FCHO2: variants seen among roughly 807,000 people sequenced by gnomAD.
FCHO2 encodes the protein F-BAR domain only protein 2.
In FCHO2, 43 loss-of-function variants were observed where a neutral mutation model predicts 114.1. That is an observed-to-expected ratio of 0.38 (90% CI 0.30 to 0.49). FCHO2 has a LOEUF of 0.49. Among genes scored for constraint, FCHO2 ranks in the 20% least tolerant of loss-of-function variants. The pLI, the probability that FCHO2 is intolerant of heterozygous loss-of-function variation, is 0.97. For missense variants in FCHO2, 807 were observed against 950.4 expected, an observed-to-expected ratio of 0.85 and a Z score of 1.98; for synonymous variants, 293 against 315.2, an observed-to-expected ratio of 0.93 and a Z score of 0.75.
intron 24 of FCHO2, among the ~76,000 whole-genome samples, chr5:73,083,860 T>A (rs1457910834): frequency 7.8e-6 from 1 of 128,056 alleles, no homozygotes; most frequent in Non-Finnish European, 1.6e-5. Flanking sequence ...GCCCCTGCTC[T>A]CCAGCCTGGG....
At chr5:72,997,142 G>T (rs1561433858) in intron 5 of FCHO2, 1 of 1,123,072 alleles carries the variant, frequency 8.9e-7, no homozygotes, top group East Asian at 2.3e-5. Context: ...CTCCCACCAT[G>T]ATGGGGTCCT....
intron 2 of FCHO2, among the ~76,000 whole-genome samples, chr5:72,974,187 G>C (rs1449513236): frequency 6.8e-6 from 1 of 146,762 alleles, no homozygotes. Context: ...CTGTTGATTT[G>C]GGGTGGAGAG....
intron 18 of FCHO2, among the ~76,000 whole-genome samples, 160 bp from the exon 19 acceptor site, chr5:73,068,490 C>T (rs1252022825): frequency 1.3e-5 from 2 of 151,982 alleles, no homozygotes; most frequent in Non-Finnish European, 2.9e-5. Context: ...TTAGTATGTT[C>T]TTAAAAATGA....
At chr5:73,064,958 C>T (rs555192541) in intron 18 of FCHO2, among the ~76,000 whole-genome samples, 3 of 152,034 alleles carry the variant, frequency 2.0e-5, no homozygotes, top group South Asian at 2.1e-4. Flanking sequence ...CATATATCAC[C>T]TTGTATGTAC....
chr5:73,007,956 G>A (rs375605272), intron 6 of FCHO2, among the ~76,000 whole-genome samples: 17 of 152,210 alleles, frequency 1.1e-4, no homozygotes, highest in Middle Eastern at 3.4e-3. Flanking sequence ...GGGCAAGAGC[G>A]TTACAGGCTT....
Position 73,017,201 on chromosome 5 carries a change from C to A in FCHO2, c.700-11C>A. ...GAAAAAGAAAAAGTTATCTTTATTT[C>A]ATTTTAATAGGTCCATGAAGAATTT... On this transcript the variant is annotated splice_polypyrimidine_tract_variant and intron_variant, in intron 7 of 25. Transcript: ENST00000430046. The A allele has an allele frequency of 1.4e-6, 2 of 1,408,776 alleles. No individual in the cohort carries two copies. The highest frequency in any genetic ancestry group is 2.5e-5 in the Admixed American group (1 of 39,534). The allele number at this position is 1,408,776 out of a possible 1,614,324, so 87.3% of individuals were successfully genotyped here. A position where few individuals can be genotyped will look rare whatever the true frequency, so the allele number is the denominator to read the frequency against.
At chr5:72,956,522 C>A in intron 1 of FCHO2, among the ~76,000 whole-genome samples, 1 of 151,956 alleles carries the variant, frequency 6.6e-6, no homozygotes. Flanking sequence ...CCGCTGCGCG[C>A]TGGCTGGGAG....
chr5:73,081,164 A>G (rs1258757097), intron 22 of FCHO2, among the ~76,000 whole-genome samples: 1 of 152,194 alleles, frequency 6.6e-6, no homozygotes, highest in Non-Finnish European at 1.5e-5. Context: ...GAAAAAAGAA[A>G]AAGTATAGAC....
chr5:73,021,018 A>G, intron 8 of FCHO2: 1 of 1,370,306 alleles, frequency 7.3e-7, no homozygotes, highest in South Asian at 1.2e-5. Context: ...TGGGGTGGAA[A>G]TGAGCCAAAG....
At chr5:73,006,026 G>C (rs147665172) in intron 5 of FCHO2, among the ~76,000 whole-genome samples, 1 of 152,240 alleles carries the variant, frequency 6.6e-6, no homozygotes, top group East Asian at 1.9e-4. Context: ...TGCTGTGGTG[G>C]AGGAAAATTC....
At chr5:73,081,402 T>A (rs565947208) in intron 22 of FCHO2, among the ~76,000 whole-genome samples, 1 of 152,234 alleles carries the variant, frequency 6.6e-6, no homozygotes, top group Admixed American at 6.5e-5. Context: ...TGAATTCTTA[T>A]AATGTATGAA....
chr5:73,032,422 G>A (rs1756283562), intron 8 of FCHO2, among the ~76,000 whole-genome samples: 1 of 152,106 alleles, frequency 6.6e-6, no homozygotes, highest in Admixed American at 6.6e-5. Flanking sequence ...ATTTTAAGAG[G>A]ATGTTTAGAA....
intron 8 of FCHO2, among the ~76,000 whole-genome samples, chr5:73,028,797 C>T (rs528683256): frequency 5.3e-5 from 8 of 151,902 alleles, no homozygotes; most frequent in African/African-American, 1.2e-4. Flanking sequence ...ACTACAGGCA[C>T]GCACCACTAT....
At chr5:72,995,452 C>T (rs1477437283) in intron 5 of FCHO2, among the ~76,000 whole-genome samples, 2 of 152,134 alleles carry the variant, frequency 1.3e-5, no homozygotes, top group Non-Finnish European at 2.9e-5. Context: ...GATGGGGTTT[C>T]ACCATGTTGG....
chr5:73,067,863 A>G (rs548279215), intron 18 of FCHO2, among the ~76,000 whole-genome samples: 1 of 152,056 alleles, frequency 6.6e-6, no homozygotes, highest in Non-Finnish European at 1.5e-5. Context: ...TACAGTTAGG[A>G]ATTTGGAAGG....
chr5:73,069,639 TA>T (rs1215527725), intron 19 of FCHO2, among the ~76,000 whole-genome samples: 1 of 151,744 alleles, frequency 6.6e-6, no homozygotes, highest in Non-Finnish European at 1.5e-5. Context: ...CGGTTTACTT[TA>T]AATACAGATG....
Position 73,074,845 on chromosome 5 carries a change from T to A in FCHO2, c.1683T>A (p.Asp561Glu). The A allele has an allele frequency of 6.2e-7, 1 of 1,611,110 alleles. No individual in the cohort carries two copies. The highest frequency in any genetic ancestry group is 8.5e-7 in the Non-Finnish European group (1 of 1,178,678). Residue 561 changes from aspartate (D) to glutamate (E), a missense_variant, in exon 20 of 26, where the codon GAT becomes GAA. Coordinates refer to ENST00000430046, the MANE Select transcript of FCHO2 (RefSeq NM_138782.3). ...ESVNAYFKGA[D>E]PTKCIVKITG... ...TTAATGCCTACTTTAAAGGAGCAGA[T>A]CCCACCAAGTTAGTTTTTAAAATAT... is the stretch of plus-strand genomic sequence containing the variant.
At position 73,088,703 on chromosome 5, in the gene FCHO2, C is replaced by T. The variant is rs1269920405; in HGVS notation, c.*613C>T. On this transcript the variant is annotated 3_prime_UTR_variant, in exon 26 of 26. Transcript: ENST00000430046. ...TTATATGATTTTTAAAAAAAATTCT[C>T]AAGTGCAATGTGTTTTAAAATAAGC... is the stretch of plus-strand genomic sequence containing the variant. The T allele has an allele frequency of 6.6e-6, 1 of 152,516 alleles. No homozygotes were observed. The highest frequency in any genetic ancestry group is 6.5e-5 in the Admixed American group (1 of 15,276). The allele number at this position is 152,516 out of a possible 1,614,324, so 9.4% of individuals were successfully genotyped here.
chr5:73,030,241 C>A (rs1473141271), intron 8 of FCHO2, among the ~76,000 whole-genome samples: 1 of 151,868 alleles, frequency 6.6e-6, no homozygotes, highest in Non-Finnish European at 1.5e-5. Context: ...GGGTTTTCAC[C>A]ATGTTGGCCA....
Sources: allele counts gnomAD v4.1 joint callset (sites outside exome capture counted in the v4.1 genomes callset), GRCh38; gene constraint gnomAD v4.1.1; transcripts MANE v1.5; gene names NCBI Gene and HGNC (gene_info 2026-07-23, HGNC 2026-07-21).